Variants in RMDN2 observed in about 807,000 individuals in gnomAD.
The protein encoded by RMDN2 is regulator of microtubule dynamics protein 2.
A neutral mutation model predicts 52.8 loss-of-function variants in RMDN2; 61 were observed. The observed-to-expected ratio is 1.16, with a 90% CI of 0.94 to 1.43. The LOEUF (loss-of-function observed/expected upper bound fraction) is 1.43. RMDN2 is among the 40% of genes most tolerant of loss of function. The pLI, the probability that RMDN2 is intolerant of heterozygous loss-of-function variation, is 0.00. For missense variants in RMDN2, 592 were observed against 475.3 expected (o/e 1.25, Z -2.28); for synonymous variants, 180 against 153.1 (o/e 1.18, Z -1.30).
At chr2:37,997,363 T>A in intron 7 of RMDN2, 53 bp from the exon 8 acceptor site, 1 of 1,073,816 alleles carries the variant, frequency 9.3e-7, no homozygotes, top group Admixed American at 1.7e-5. Context: ...GGAGAGATAA[T>A]CCATTCAAAA....
intron 5 of RMDN2, among the ~76,000 whole-genome samples, chr2:37,984,490 G>A (rs1476900516): frequency 6.6e-6 from 1 of 152,212 alleles, no homozygotes; most frequent in Non-Finnish European, 1.5e-5. Context: ...GCATGAATGT[G>A]TGTATTGATT....
chr2:38,022,923 G>A lies in RMDN2; in HGVS notation c.1713+18707G>A, dbSNP rs145562533. On this transcript the variant is annotated intron_variant, in intron 10 of 10. Coordinates refer to the RMDN2 transcript ENST00000234195. ...GGGGTCAGACAACTGTAGTGACCAA[G>A]CCAGGATTGCGTTCCAGCCCTTGGA... 3.3e-3 allele frequency among the ~76,000 whole-genome samples: 501 copies of A among 152,292 alleles called. 7 individuals are homozygous for A. Among genetic ancestry groups the A allele is most frequent in the African/African-American group, 0.012 (479 of 41,548 alleles).
At chr2:37,991,746 A>G (rs893690561) in intron 7 of RMDN2, among the ~76,000 whole-genome samples, 3 of 152,144 alleles carry the variant, frequency 2.0e-5, no homozygotes, top group African/African-American at 7.2e-5. Context: ...TATACTGAGC[A>G]CAAATTATGT....
chr2:38,011,274 C>T (rs571925756), intron 10 of RMDN2, among the ~76,000 whole-genome samples: 1 of 152,344 alleles, frequency 6.6e-6, no homozygotes, highest in East Asian at 1.9e-4. Flanking sequence ...TGCCCTGTCT[C>T]TTGCCCTTTG....
chr2:37,952,300 T>A lies in RMDN2; in HGVS notation c.453-21740T>A, dbSNP rs990868828. On this transcript the variant is annotated intron_variant, in intron 2 of 10. Coordinates refer to ENST00000354545, the MANE Select transcript of RMDN2 (RefSeq NM_001170791.3). ...AGAATTCATTTCTCATAACTCCCCT[T>A]TCCTCACAAAGCTTCACTGCATTTT... The A allele has an allele frequency of 4.4e-6, 5 of 1,123,762 alleles. No individual in the cohort carries two copies. The African/African-American group carries it at 7.8e-5, about 18-fold the overall frequency. The allele number at this position is 1,123,762 out of a possible 1,614,324, so 69.6% of individuals were successfully genotyped here.
At chr2:37,976,271 A>G (rs1672452571) in intron 4 of RMDN2, 1 of 152,230 alleles carries the variant, frequency 6.6e-6, no homozygotes, top group Admixed American at 6.5e-5. Context: ...TGTTATTTTT[A>G]TACCTCACCT....
chr2:37,978,642 A>T (rs1453747369), intron 4 of RMDN2, among the ~76,000 whole-genome samples: 1 of 152,212 alleles, frequency 6.6e-6, no homozygotes, highest in Non-Finnish European at 1.5e-5. Context: ...CCTGGGCAAC[A>T]TAGGGAGACC....
intron 10 of RMDN2, among the ~76,000 whole-genome samples, chr2:38,062,779 C>CCCCCCCCCCCCCG (rs375545948): frequency 7.3e-6 from 1 of 136,496 alleles, no homozygotes; most frequent in Non-Finnish European, 1.6e-5. Flanking sequence ...TCCCCCCCCC[C>CCCCCCCCCCCCCG]ACAACAGTCC....
intron 10 of RMDN2, among the ~76,000 whole-genome samples, chr2:38,014,945 C>G (rs114675013): frequency 4.1e-4 from 63 of 152,274 alleles, no homozygotes; most frequent in Non-Finnish European, 7.6e-4. Context: ...ACTGGTACTG[C>G]AACTTGGGCC....
At chr2:38,047,146 G>A (rs990561951) in intron 10 of RMDN2, among the ~76,000 whole-genome samples, 3 of 152,082 alleles carry the variant, frequency 2.0e-5, no homozygotes, top group Non-Finnish European at 4.4e-5. Context: ...AAGACAGAGA[G>A]AATTAATTGC....
At chr2:37,935,116 T>C (rs1369530446) in intron 2 of RMDN2, among the ~76,000 whole-genome samples, 1 of 152,186 alleles carries the variant, frequency 6.6e-6, no homozygotes, top group African/African-American at 2.4e-5. Context: ...TACTCTCATA[T>C]AGTATCAACA....
chr2:38,054,771 C>T (rs550781669), intron 10 of RMDN2, among the ~76,000 whole-genome samples: 2 of 152,218 alleles, frequency 1.3e-5, no homozygotes, highest in South Asian at 4.1e-4. Context: ...CCAGCCAGCT[C>T]CATGCAGTCA....
chr2:37,998,705 A>C (rs1675909011), intron 8 of RMDN2, among the ~76,000 whole-genome samples: 2 of 152,166 alleles, frequency 1.3e-5, no homozygotes, highest in Non-Finnish European at 2.9e-5. Flanking sequence ...TCCTGAAATC[A>C]AGCACAAGCC....
At chr2:37,953,489 A>G (rs541532825) in intron 2 of RMDN2, among the ~76,000 whole-genome samples, 1 of 152,160 alleles carries the variant, frequency 6.6e-6, no homozygotes, top group Non-Finnish European at 1.5e-5. Flanking sequence ...AATGTCCTCA[A>G]GCTTCATCCA....
chr2:38,009,298 G>C (rs1677594030), intron 10 of RMDN2, among the ~76,000 whole-genome samples: 1 of 152,208 alleles, frequency 6.6e-6, no homozygotes, highest in African/African-American at 2.4e-5. Context: ...CCTGCAGAGT[G>C]TTTTCCAACT....
At chr2:38,028,826 G>A (rs965504055) in intron 10 of RMDN2, among the ~76,000 whole-genome samples, 6 of 152,092 alleles carry the variant, frequency 3.9e-5, no homozygotes, top group Non-Finnish European at 7.4e-5. Context: ...TCTCCTTGGG[G>A]GTCAAGGTCA....
intron 6 of RMDN2, among the ~76,000 whole-genome samples, chr2:37,990,079 C>T (rs1233400685): frequency 6.9e-6 from 1 of 144,066 alleles, no homozygotes; most frequent in Non-Finnish European, 1.5e-5. Context: ...GGGGGCGGAG[C>T]TTGCAGTGAG....
At chr2:37,962,216 T>C (rs1265536875) in intron 2 of RMDN2, among the ~76,000 whole-genome samples, 1 of 152,220 alleles carries the variant, frequency 6.6e-6, no homozygotes, top group Non-Finnish European at 1.5e-5. Context: ...ATAGCTCAAG[T>C]GCTGTGGTGG....
intron 2 of RMDN2, among the ~76,000 whole-genome samples, chr2:37,958,500 T>A (rs11124628): frequency 0.36 from 53,730 of 150,822 alleles, 11,606 homozygotes; most frequent in South Asian, 0.52. Context: ...ATCCTGAGAT[T>A]TTGCTGAAGT....
Sources: gnomAD v4.1 joint callset for allele counts (sites outside exome capture counted in the v4.1 genomes callset) on GRCh38, gnomAD v4.1.1 for gene constraint, MANE v1.5 for transcripts, NCBI Gene and HGNC (gene_info 2026-07-23, HGNC 2026-07-21) for gene names.